Variants in EPB41L4A observed in about 807,000 individuals in gnomAD.
EPB41L4A encodes the protein band 4.1-like protein 4A.
A neutral mutation model predicts 108.6 loss-of-function variants in EPB41L4A; 100 were observed. The observed-to-expected ratio is 0.92, with a 90% CI of 0.78 to 1.09. The LOEUF is 1.09. EPB41L4A is among the 50% of genes least tolerant of loss of function. EPB41L4A has a pLI of 0.00. For synonymous variants in EPB41L4A, 319 were observed against 289.0 expected (o/e 1.10, Z -1.05); for missense variants, 1,030 against 842.7 (o/e 1.22, Z -2.75).
At chr5:112,183,739 C>T (rs989773727) in intron 18 of EPB41L4A, among the ~76,000 whole-genome samples, 1 of 152,182 alleles carries the variant, frequency 6.6e-6, no homozygotes, top group Admixed American at 6.5e-5. Context: ...GAAGACTATT[C>T]CTATTTATTC....
Position 112,194,692 on chromosome 5 carries a change from C to T in EPB41L4A, c.1425-47G>A, listed in dbSNP as rs776814661. The T allele has an allele frequency of 2.9e-6, 4 of 1,358,518 alleles. No individual in the cohort carries two copies. The East Asian group carries it at 9.4e-5, about 32-fold the overall frequency. 84.2% of individuals were successfully genotyped at this position (1,358,518 alleles called of 1,614,324 possible). On this transcript the variant is annotated intron_variant, in intron 16 of 22. Transcript: ENST00000261486. ...CAAAAGAAAAAACACACATTTATAACTCACGAACAATTTCAGAAAGGTTTA... is the reference window on the plus strand; with the variant it reads ...CAAAAGAAAAAACACACATTTATAATTCACGAACAATTTCAGAAAGGTTTA...
intron 9 of EPB41L4A, among the ~76,000 whole-genome samples, chr5:112,255,907 C>T (rs2150424304): frequency 6.6e-6 from 1 of 152,226 alleles, no homozygotes; most frequent in South Asian, 2.1e-4. Flanking sequence ...CTATCCATAG[C>T]CTTCCCCACC....
chr5:112,255,679 C>G (rs1479467421), intron 9 of EPB41L4A, among the ~76,000 whole-genome samples: 1 of 152,140 alleles, frequency 6.6e-6, no homozygotes, highest in Non-Finnish European at 1.5e-5. Flanking sequence ...CTCATTTATA[C>G]TCATTCTCCT....
chr5:112,328,585 T>A (rs1324799971), intron 1 of EPB41L4A, among the ~76,000 whole-genome samples: 1 of 152,208 alleles, frequency 6.6e-6, no homozygotes, highest in Admixed American at 6.5e-5. Context: ...TAGAACCCAT[T>A]TCTCCTGACA....
chr5:112,324,231 C>T (rs905088143), intron 1 of EPB41L4A, among the ~76,000 whole-genome samples: 1 of 152,108 alleles, frequency 6.6e-6, no homozygotes, highest in Admixed American at 6.6e-5. Flanking sequence ...TCTAAACTAT[C>T]TCAGTAAAAC....
At chr5:112,215,862 TC>T (rs1393901008) in intron 12 of EPB41L4A, among the ~76,000 whole-genome samples, 6 of 151,924 alleles carry the variant, frequency 3.9e-5, no homozygotes, top group Admixed American at 6.6e-5. Context: ...GGGAGTGCTA[TC>T]ATTTATTAAT....
chr5:112,224,831 A>G (rs1468989028), intron 12 of EPB41L4A, among the ~76,000 whole-genome samples: 3 of 152,224 alleles, frequency 2.0e-5, no homozygotes, highest in Non-Finnish European at 2.9e-5. Context: ...CTTGGAAAAG[A>G]AGAGCCACAA....
At chr5:112,278,363 T>C (rs1418549156) in intron 3 of EPB41L4A, among the ~76,000 whole-genome samples, 1 of 151,984 alleles carries the variant, frequency 6.6e-6, no homozygotes, top group East Asian at 1.9e-4. Flanking sequence ...CCATCCTCTC[T>C]GCCTCAGCCT....
chr5:112,401,580 T>G (rs1561645882), intron 1 of EPB41L4A, among the ~76,000 whole-genome samples: 1 of 152,218 alleles, frequency 6.6e-6, no homozygotes, highest in African/African-American at 2.4e-5. Flanking sequence ...TGTCTTAATT[T>G]AAGAAGAAGT....
intron 12 of EPB41L4A, among the ~76,000 whole-genome samples, chr5:112,226,206 A>G (rs921537792): frequency 6.6e-6 from 1 of 152,304 alleles, no homozygotes; most frequent in East Asian, 1.9e-4. Context: ...TTTCTAATGG[A>G]TATTTAGGTA....
At position 112,380,784 on chromosome 5, in the gene EPB41L4A, CACACACAT is replaced by C. The variant is rs1009581918; in HGVS notation, c.99+38149_99+38156del. Among the ~76,000 whole-genome samples, 17 of 92,216 alleles carry C rather than the reference CACACACAT, an allele frequency of 1.8e-4. No homozygotes were observed. In the South Asian group the frequency reaches 2.2e-3, roughly 12 times the overall value. The allele number at this position is 92,216 out of a possible 152,430, so 60.5% of individuals were successfully genotyped here. ...AAAGAGAAACCCATCCTCTGCACATCACACACATACACACACACACACACACACACACA... is the reference window on the plus strand; with the variant it reads ...AAAGAGAAACCCATCCTCTGCACATCACACACACACACACACACACACACA... On this transcript the variant is annotated intron_variant, in intron 1 of 22. Coordinates refer to ENST00000261486, the MANE Select transcript of EPB41L4A (RefSeq NM_022140.5).
chr5:112,262,530 G>A lies in EPB41L4A; in HGVS notation c.606C>T (p.Ser202=), dbSNP rs777675774. ...GGAGGTCAACGCCATACATCTCCAG[G>A]GATTTGGCAGTCCTCAAGTAATTCA... The part of the protein sequence containing the change: ...AELNYLRTAK[S]LEMYGVDLHP... The change falls in exon 7 of 23, where the codon TCC becomes TCT. Residue 202 remains serine, a synonymous_variant. Transcript: ENST00000261486. 19 of 1,614,014 alleles carry A rather than the reference G, an allele frequency of 1.2e-5. No homozygotes were observed. The highest frequency in any genetic ancestry group is 1.6e-5 in the Non-Finnish European group (19 of 1,179,980).
chr5:112,221,386 A>G (rs1748037419), intron 12 of EPB41L4A, among the ~76,000 whole-genome samples: 1 of 152,228 alleles, frequency 6.6e-6, no homozygotes, highest in African/African-American at 2.4e-5. Flanking sequence ...TGAAAGTCCA[A>G]CAAACTTAGA....
chr5:112,352,586 T>C (rs1010349526), intron 1 of EPB41L4A, among the ~76,000 whole-genome samples: 1 of 152,222 alleles, frequency 6.6e-6, no homozygotes, highest in African/African-American at 2.4e-5. Flanking sequence ...TCAATCTGTT[T>C]ATATTCAAGG....
chr5:112,181,520 A>G (rs1449360613), intron 18 of EPB41L4A, among the ~76,000 whole-genome samples: 2 of 152,186 alleles, frequency 1.3e-5, no homozygotes, highest in Non-Finnish European at 2.9e-5. Context: ...TATTTGCCCA[A>G]GCGAAAGAAA....
In EPB41L4A at chr5:112,169,022, C is replaced by T; in HGVS notation, c.1823G>A (p.Gly608Glu). 1 of 1,613,924 alleles carries T rather than the reference C, an allele frequency of 6.2e-7. No individual in the cohort carries two copies. The highest frequency in any genetic ancestry group is 8.5e-7 in the Non-Finnish European group (1 of 1,179,842). ...RQYRRSQCSDGERSVLSEVNS... is the reference protein window; with the variant it reads ...RQYRRSQCSDEERSVLSEVNS... ...CACTTCCGAGAGAACTGATCGCTCC[C>T]CATCTGAACACTGGGACCTGCGATA... Residue 608 changes from glycine to glutamate, a missense_variant, in exon 21 of 23, where the codon GGG (glycine) becomes GAG (glutamate). Physicochemically the swap from Gly to Glu is moderately conservative, Grantham distance 98. Transcript: ENST00000261486.
At chr5:112,243,498 GC>G (rs901474272) in intron 9 of EPB41L4A, among the ~76,000 whole-genome samples, 6 of 152,206 alleles carry the variant, frequency 3.9e-5, no homozygotes, top group African/African-American at 1.4e-4. Flanking sequence ...GTCCTCGGAA[GC>G]TTTAATGCAG....
At position 112,168,933 on chromosome 5, in the gene EPB41L4A, C is replaced by A. The variant is rs966378312; in HGVS notation, c.1850+62G>T. On this transcript the variant is annotated intron_variant, in intron 21 of 22. Coordinates refer to ENST00000261486, the MANE Select transcript of EPB41L4A (RefSeq NM_022140.5). The stretch of plus-strand genomic sequence containing the variant: ...AACATTTCCATCAGCAAGTAAAGTT[C>A]TTTTAGACTGCACTGTTTTGGAGCC... 42 of 1,504,614 alleles carry A rather than the reference C, an allele frequency of 2.8e-5. No individual in the cohort carries two copies. In the East Asian group the frequency reaches 8.8e-4, roughly 32 times the overall value. 93.2% of individuals were successfully genotyped at this position (1,504,614 alleles called of 1,614,324 possible). A position where few individuals can be genotyped will look rare whatever the true frequency, so the allele number is the denominator to read the frequency against.
intron 2 of EPB41L4A, 45 bp downstream of exon 2, chr5:112,307,341 G>T: frequency 7.5e-7 from 1 of 1,325,910 alleles, no homozygotes; most frequent in Non-Finnish European, 1.1e-6. Flanking sequence ...GAGATAGAGT[G>T]AAATTTATAA....
Sources: gnomAD v4.1 joint callset for allele counts (sites outside exome capture counted in the v4.1 genomes callset) on GRCh38, gnomAD v4.1.1 for gene constraint, MANE v1.5 for transcripts, NCBI Gene and HGNC (gene_info 2026-07-23, HGNC 2026-07-21) for gene names.